RNF182: variants seen among roughly 807,000 people sequenced by gnomAD.
The protein encoded by RNF182 is E3 ubiquitin-protein ligase RNF182.
Under a neutral mutation model 14.4 loss-of-function variants are expected in RNF182, and 15 were observed. The ratio of observed to expected loss-of-function variants is 1.04; its 90% confidence interval spans 0.70 to 1.60. The LOEUF (loss-of-function observed/expected upper bound fraction) is 1.60. Ranked by LOEUF, RNF182 falls within the 40% of genes most tolerant of loss-of-function variation. The pLI is 0.00. For missense variants in RNF182, 268 were observed against 294.8 expected (o/e 0.91, Z 0.67); for synonymous variants, 128 against 122.9 (o/e 1.04, Z -0.27).
intron 1 of RNF182, chr6:13,949,052 C>T (rs1759515290): frequency 1.6e-6 from 1 of 625,018 alleles, no homozygotes; most frequent in African/African-American, 1.8e-5. Context: ...GTAAGATTTT[C>T]ACAAACCTTT....
chr6:13,959,533 A>T (rs1403848858), intron 1 of RNF182, among the ~76,000 whole-genome samples: 1 of 152,234 alleles, frequency 6.6e-6, no homozygotes, highest in Non-Finnish European at 1.5e-5. Flanking sequence ...GATAAATTAG[A>T]AGGTTCTGCA....
intron 1 of RNF182, among the ~76,000 whole-genome samples, chr6:13,953,232 CAAG>C (rs1490942888): frequency 6.6e-6 from 1 of 152,334 alleles, no homozygotes; most frequent in East Asian, 1.9e-4. Context: ...AGCCCCTAGG[CAAG>C]AAGGAGTCAC....
chr6:13,956,109 A>G (rs906720811), intron 1 of RNF182, among the ~76,000 whole-genome samples: 2 of 152,166 alleles, frequency 1.3e-5, no homozygotes, highest in Non-Finnish European at 2.9e-5. Flanking sequence ...ATATTGCTGC[A>G]GATGACAAGA....
intron 1 of RNF182, among the ~76,000 whole-genome samples, chr6:13,932,534 A>G (rs1387588772): frequency 6.6e-6 from 1 of 152,220 alleles, no homozygotes; most frequent in Non-Finnish European, 1.5e-5. Flanking sequence ...TAGATAAATC[A>G]TATGTTTATT....
chr6:13,940,932 G>A (rs968833895), intron 1 of RNF182, among the ~76,000 whole-genome samples: 11 of 151,972 alleles, frequency 7.2e-5, no homozygotes, highest in South Asian at 2.1e-4. Flanking sequence ...CAAAGAACAC[G>A]CTATTAACAT....
chr6:13,953,364 A>T (rs1759643189), intron 1 of RNF182, among the ~76,000 whole-genome samples: 1 of 152,186 alleles, frequency 6.6e-6, no homozygotes, highest in African/African-American at 2.4e-5. Context: ...AGGGATTAGT[A>T]CTGCCCTGGG....
intron 1 of RNF182, among the ~76,000 whole-genome samples, chr6:13,961,208 T>C (rs949917331): frequency 3.3e-5 from 5 of 152,234 alleles, no homozygotes; most frequent in Non-Finnish European, 7.3e-5. Context: ...ACAGAAAACC[T>C]GTATACCTTC....
chr6:13,977,131 A>G lies in RNF182; in HGVS notation c.12A>G (p.Gln4=), dbSNP rs1363635566. The G allele has an allele frequency of 5.0e-6, 8 of 1,611,296 alleles. No homozygotes were observed. In the Admixed American group the frequency reaches 6.7e-5, roughly 13 times the overall value. The change falls in exon 3 of 3, where the codon CAA becomes CAG. Residue 4 remains glutamine (Q), a synonymous_variant. Transcript: ENST00000488300. Reference sequence around the variant, plus strand: ...ACACATAATTCAAGATGGCCAGTCAACCTCCTGAAGACACTGCGGAGTCTC... The same window carrying G: ...ACACATAATTCAAGATGGCCAGTCAGCCTCCTGAAGACACTGCGGAGTCTC... The part of the protein sequence containing the change: MAS[Q]PPEDTAESQA...
chr6:13,940,810 C>T (rs753675855), intron 1 of RNF182, among the ~76,000 whole-genome samples: 3 of 152,064 alleles, frequency 2.0e-5, no homozygotes, highest in Non-Finnish European at 2.9e-5. Context: ...TTAAAAATAT[C>T]CATGTGTTTT....
chr6:13,975,957 G>A (rs890233428), intron 2 of RNF182, among the ~76,000 whole-genome samples: 10 of 152,146 alleles, frequency 6.6e-5, no homozygotes, highest in Non-Finnish European at 5.9e-5. Context: ...AGAACTGACT[G>A]TGCATATGAA....
chr6:13,954,123 G>A (rs1759670772), intron 1 of RNF182, among the ~76,000 whole-genome samples: 1 of 152,170 alleles, frequency 6.6e-6, no homozygotes, highest in Non-Finnish European at 1.5e-5. Flanking sequence ...GGCCAATCTT[G>A]CTTCATTTAT....
rs1259756593 is a variant in RNF182, at chr6:13,979,521, A to G, written c.*1658A>G. 1 of 167,038 alleles carries G rather than the reference A, an allele frequency of 6.0e-6. No homozygotes were observed. Among genetic ancestry groups the G allele is most frequent in the Non-Finnish European group, 1.5e-5 (1 of 68,118 alleles). The allele number at this position is 167,038 out of a possible 1,614,324, so 10.3% of individuals were successfully genotyped here. ...AGTAAGTAGGATGAGAATAGTATAC[A>G]TGGGATATGGTCCAATGAATTTAAG... On this transcript the variant is annotated 3_prime_UTR_variant, in exon 3 of 3. Transcript: ENST00000488300.
chr6:13,934,025 G>A (rs1443774507), intron 1 of RNF182, among the ~76,000 whole-genome samples: 2 of 151,358 alleles, frequency 1.3e-5, no homozygotes, highest in African/African-American at 4.9e-5. Flanking sequence ...CTCAAAAACA[G>A]GAAAAAAAAT....
chr6:13,941,910 AT>A lies in RNF182; in HGVS notation c.-367+16890del, dbSNP rs578193587. Among the ~76,000 whole-genome samples the A allele has an allele frequency of 1.7e-4, 26 of 152,200 alleles. No individual in the cohort carries two copies. In the South Asian group the frequency reaches 5.2e-3, roughly 30 times the overall value. On this transcript the variant is annotated intron_variant, in intron 1 of 2. Coordinates refer to ENST00000488300, the MANE Select transcript of RNF182 (RefSeq NM_152737.4). ...ATTATTGCTGTTTTATACAGTTAGT[AT>A]TTATCTATATTTATCATTTATTTTC...
chr6:13,935,027 G>T (rs1166218558), intron 1 of RNF182, among the ~76,000 whole-genome samples: 1 of 152,180 alleles, frequency 6.6e-6, no homozygotes, highest in Non-Finnish European at 1.5e-5. Context: ...ATTCTATGTG[G>T]AATAGGAAGC....
At chr6:13,975,369 G>T (rs116167110) in intron 2 of RNF182, among the ~76,000 whole-genome samples, 146 of 152,274 alleles carry the variant, frequency 9.6e-4, no homozygotes, top group African/African-American at 3.3e-3. Flanking sequence ...GGAGAGAGAA[G>T]AGTTGATGTT....
Position 13,977,335 on chromosome 6 carries a change from C to A in RNF182, c.216C>A (p.Cys72Ter). 1 of 1,614,160 alleles carries A rather than the reference C, an allele frequency of 6.2e-7. No individual in the cohort carries two copies. Among genetic ancestry groups the A allele is most frequent in the Non-Finnish European group, 8.5e-7 (1 of 1,180,028 alleles). Reference sequence around the variant, plus strand: ...GTCCTTTCTGCAGGTTTGAGACGTGCCTGCCAGATGATGAAGTTAGTAGCC... The same window carrying A: ...GTCCTTTCTGCAGGTTTGAGACGTGACTGCCAGATGATGAAGTTAGTAGCC... ...IVCPFCRFET[C>*]LPDDEVSSLP... The change falls in exon 3 of 3, where the codon TGC becomes TGA. Residue 72 changes from cysteine (C) to a stop codon, truncating the protein, a stop_gained. Transcript: ENST00000488300. LOFTEE classifies it high-confidence loss of function.
intron 1 of RNF182, among the ~76,000 whole-genome samples, chr6:13,931,884 A>G (rs938148307): frequency 6.6e-6 from 1 of 152,198 alleles, no homozygotes; most frequent in South Asian, 2.1e-4. Flanking sequence ...TGATTAGGCC[A>G]TGAGGGTGGA....
rs546827056 is a variant in RNF182, at chr6:13,949,123, T to A, written c.-367+24100T>A. The A allele has an allele frequency of 1.3e-5, 10 of 771,188 alleles. No homozygotes were observed. The South Asian group carries it at 1.4e-4, about 10-fold the overall frequency. The allele number at this position is 771,188 out of a possible 1,614,324, so 47.8% of individuals were successfully genotyped here. On this transcript the variant is annotated intron_variant, in intron 1 of 2. Transcript: ENST00000488300. ...GCTGCCACTGCCTTTGCCAGTGCAGTGAGAGCAGCTTCAGGAATCTTATAG... is the reference window on the plus strand; with the variant it reads ...GCTGCCACTGCCTTTGCCAGTGCAGAGAGAGCAGCTTCAGGAATCTTATAG...
Sources: gnomAD v4.1 joint callset for allele counts (sites outside exome capture counted in the v4.1 genomes callset) on GRCh38, gnomAD v4.1.1 for gene constraint, MANE v1.5 for transcripts, NCBI Gene and HGNC (gene_info 2026-07-23, HGNC 2026-07-21) for gene names.